CDK5RAP2: variants seen among roughly 807,000 people sequenced by gnomAD.
CDK5RAP2 encodes the protein CDK5 regulatory subunit associated protein 2, also known as CDK5 regulatory subunit-associated protein 2.
In CDK5RAP2, 147 loss-of-function variants were observed where a neutral mutation model predicts 232.9. The ratio of observed to expected loss-of-function variants is 0.63; its 90% CI spans 0.55 to 0.72. The LOEUF (loss-of-function observed/expected upper bound fraction) is 0.72, where lower values mean the gene tolerates loss of function less well. Among genes scored for constraint, CDK5RAP2 ranks in the 30% least tolerant of loss-of-function variants. CDK5RAP2 has a pLI of 0.00. For synonymous variants in CDK5RAP2, 833 were observed against 833.7 expected (o/e 1.00, Z 0.01); for missense variants, 2,195 against 2,231.5 (o/e 0.98, Z 0.33).
Position 120,404,104 on chromosome 9 carries a change from T to C in CDK5RAP2, c.4973A>G (p.Lys1658Arg), listed in dbSNP as rs2033266637. ...TGAATTATCACTTTCCATGGGATAT[T>C]TGTCACCATCTACAAAATGCAAAAC... ...PLQPDKHDGD[K>R]YPMESDNSFD... Residue 1658 changes from lysine (K) to arginine (R), a missense_variant, in exon 33 of 38, where the codon AAA (lysine) becomes AGA (arginine). Transcript: ENST00000349780. 2.5e-6 allele frequency: 4 copies of C among 1,611,552 alleles called. No individual in the cohort carries two copies. The highest frequency in any genetic ancestry group is 1.3e-5 in the African/African-American group (1 of 74,874).
At position 120,453,005 on chromosome 9, in the gene CDK5RAP2, T is replaced by C. The variant is rs187119429; in HGVS notation, c.2793+451A>G. On this transcript the variant is annotated intron_variant, in intron 21 of 37. Coordinates refer to ENST00000349780, the MANE Select transcript of CDK5RAP2 (RefSeq NM_018249.6). ...TACCCCTAAAGTCAGGTTATGACAA[T>C]TTGACTGCAACCTGCAAAAGCAAAT... 7.4e-4 allele frequency among the ~76,000 whole-genome samples: 113 copies of C among 152,310 alleles called. 2 individuals are homozygous for C. The highest frequency in any genetic ancestry group is 1.4e-3 in the Admixed American group (21 of 15,304).
intron 22 of CDK5RAP2, 148 bp downstream of exon 22, chr9:120,447,747 C>T: frequency 1.3e-6 from 1 of 744,424 alleles, no homozygotes; most frequent in South Asian, 1.5e-5. Context: ...CTCTGTTGTG[C>T]ATTTGTCAAG....
chr9:120,556,800 G>A (rs4240465), intron 3 of CDK5RAP2, among the ~76,000 whole-genome samples: 140,278 of 152,236 alleles, frequency 0.92, 65,717 homozygotes, highest in East Asian at 1. Flanking sequence ...TTTTGAAACT[G>A]TCTACCCTTG....
At chr9:120,471,074 C>T (rs2037677007) in intron 16 of CDK5RAP2, among the ~76,000 whole-genome samples, 1 of 152,172 alleles carries the variant, frequency 6.6e-6, no homozygotes, top group African/African-American at 2.4e-5. Context: ...AGTTAGGTGC[C>T]TAGCACTGTG....
At chr9:120,511,541 T>G (rs1427205457) in intron 12 of CDK5RAP2, among the ~76,000 whole-genome samples, 1 of 152,168 alleles carries the variant, frequency 6.6e-6, no homozygotes, top group Non-Finnish European at 1.5e-5. Context: ...CAAAGTACTC[T>G]TTATAAAAGC....
At chr9:120,529,024 CAG>C in intron 8 of CDK5RAP2, 2 of 590,454 alleles carry the variant, frequency 3.4e-6, no homozygotes, top group Non-Finnish European at 6.1e-6. Flanking sequence ...ACCAGCCCCA[CAG>C]AGAGTAAACC....
At chr9:120,514,503 C>T (rs556262746) in intron 12 of CDK5RAP2, among the ~76,000 whole-genome samples, 44 of 152,306 alleles carry the variant, frequency 2.9e-4, no homozygotes, top group African/African-American at 1.0e-3. Context: ...GTTCTTCTTC[C>T]TCTTCTGCAG....
chr9:120,460,784 A>T, intron 18 of CDK5RAP2, 117 bp from the exon 19 acceptor site: 1 of 1,511,228 alleles, frequency 6.6e-7, no homozygotes, highest in Non-Finnish European at 8.9e-7. Flanking sequence ...AGCAAACAAA[A>T]AAGAGGAAGA....
intron 8 of CDK5RAP2, among the ~76,000 whole-genome samples, chr9:120,529,543 C>G (rs573458570): frequency 1.3e-5 from 2 of 152,340 alleles, no homozygotes; most frequent in South Asian, 4.1e-4. Flanking sequence ...TGAACCCCTC[C>G]CATACTGCTA....
At chr9:120,394,739 T>A in intron 35 of CDK5RAP2, 101 bp from the exon 36 acceptor site, 1 of 973,518 alleles carries the variant, frequency 1.0e-6, no homozygotes, top group Non-Finnish European at 1.6e-6. Context: ...TCAACCTCAC[T>A]AGCAAAAATA....
rs1399473861 is a variant in CDK5RAP2, at chr9:120,389,241, A to C, written c.5677T>G (p.Ser1893Ala). Residue 1893 changes from serine (S) to alanine (A), a missense_variant, in exon 38 of 38, where the codon TCC becomes GCC. Coordinates refer to ENST00000349780, the MANE Select transcript of CDK5RAP2 (RefSeq NM_018249.6). Reference protein sequence around the residue: ...PGTCSPSRPGS With the variant: ...PGTCSPSRPGA The stretch of plus-strand genomic sequence containing the variant: ...TTATTGGCTGAAAGTTCTTCTCAGG[A>C]GCCTGGTCTGCTGGGACTGCATGTT... 4 of 1,612,492 alleles carry C rather than the reference A, an allele frequency of 2.5e-6. No homozygotes were observed. The African/African-American group carries it at 5.3e-5, about 22-fold the overall frequency.
chr9:120,520,724 TATC>T lies in CDK5RAP2; in HGVS notation c.1093-2082_1093-2080del, dbSNP rs1181394610. On this transcript the variant is annotated intron_variant, in intron 11 of 37. Transcript: ENST00000349780. Reference sequence around the variant, plus strand: ...ACGATACATCTCATATATCATGATATATCATATATGTATCATGTGATATCTCAT... The same window carrying T: ...ACGATACATCTCATATATCATGATATATATATGTATCATGTGATATCTCAT... Among the ~76,000 whole-genome samples, 9 of 151,592 alleles carry T rather than the reference TATC, an allele frequency of 5.9e-5. No homozygotes were observed. The South Asian group carries it at 8.3e-4, about 14-fold the overall frequency.
chr9:120,465,081 C>T (rs182796801), intron 18 of CDK5RAP2, among the ~76,000 whole-genome samples: 18 of 152,184 alleles, frequency 1.2e-4, no homozygotes, highest in Admixed American at 1.0e-3. Flanking sequence ...TTCCTCTCTA[C>T]GTCAAAAAAA....
chr9:120,425,501 CT>C (rs2034836614), intron 25 of CDK5RAP2, among the ~76,000 whole-genome samples: 1 of 152,192 alleles, frequency 6.6e-6, no homozygotes, highest in South Asian at 2.1e-4. Flanking sequence ...AGGACTTCAT[CT>C]TTTCAAATAA....
chr9:120,563,378 A>G (rs1171270583), intron 3 of CDK5RAP2, among the ~76,000 whole-genome samples: 2 of 152,204 alleles, frequency 1.3e-5, no homozygotes, highest in African/African-American at 4.8e-5. Flanking sequence ...GGCCAAGATT[A>G]GGGATTTTAT....
At chr9:120,449,664 G>A (rs1351056403) in intron 21 of CDK5RAP2, among the ~76,000 whole-genome samples, 4 of 152,128 alleles carry the variant, frequency 2.6e-5, no homozygotes, top group African/African-American at 9.7e-5. Flanking sequence ...GAAATACTAC[G>A]ACTCAATAAT....
At chr9:120,398,046 A>C (rs2032671986) in intron 35 of CDK5RAP2, among the ~76,000 whole-genome samples, 1 of 152,250 alleles carries the variant, frequency 6.6e-6, no homozygotes, top group Non-Finnish European at 1.5e-5. Flanking sequence ...CAGACCTAGC[A>C]ACAACCCATT....
At chr9:120,558,688 C>T (rs146370134) in intron 3 of CDK5RAP2, among the ~76,000 whole-genome samples, 381 of 152,294 alleles carry the variant, frequency 2.5e-3, no homozygotes, top group African/African-American at 8.5e-3. Flanking sequence ...CTTTCTGACG[C>T]GTCTGCCAGG....
chr9:120,452,038 A>C (rs1275529069), intron 21 of CDK5RAP2, among the ~76,000 whole-genome samples: 4 of 151,998 alleles, frequency 2.6e-5, no homozygotes, highest in African/African-American at 4.8e-5. Context: ...AATTAAGTCC[A>C]TTCAATTCTC....
Sources: allele counts gnomAD v4.1 joint callset (sites outside exome capture counted in the v4.1 genomes callset), GRCh38; gene constraint gnomAD v4.1.1; transcripts MANE v1.5; gene names NCBI Gene and HGNC (gene_info 2026-07-23, HGNC 2026-07-21).